Variants in GTF3C4 observed in about 807,000 individuals in gnomAD.
GTF3C4 encodes general transcription factor 3C polypeptide 4.
In GTF3C4, 28 loss-of-function variants were observed where a neutral mutation model predicts 67.5. The observed-to-expected ratio is 0.41, with a 90% CI of 0.31 to 0.57. GTF3C4 has a LOEUF of 0.57. Among genes scored for constraint, GTF3C4 ranks in the 20% least tolerant of loss-of-function variants. GTF3C4 has a pLI of 0.21. For synonymous variants in GTF3C4, 409 were observed against 393.0 expected, an observed-to-expected ratio of 1.04 and a Z score of -0.48; for missense variants, 831 against 1,033.2, an observed-to-expected ratio of 0.80 and a Z score of 2.68.
At chr9:132,687,202 A>G (rs779402153) in intron 3 of GTF3C4, 37 bp from the exon 4 acceptor site, 3 of 1,138,120 alleles carry the variant, frequency 2.6e-6, no homozygotes, top group Non-Finnish European at 4.0e-6. Flanking sequence ...AGTAGAGCAA[A>G]CCCTCTCCCT....
chr9:132,670,736 A>G lies in GTF3C4; in HGVS notation c.138A>G (p.Ala46=). The change falls in exon 1 of 5, where the codon GCA becomes GCG. Residue 46 remains alanine, a synonymous_variant. Coordinates refer to ENST00000372146, the MANE Select transcript of GTF3C4 (RefSeq NM_012204.4). ...AADAAPGPSA[A]FRLMVTRREP... is the part of the protein sequence containing the mutation. The stretch of plus-strand genomic sequence containing the variant: ...ACGCGGCCCCGGGGCCCAGCGCTGC[A>G]TTCCGCCTCATGGTGACTCGGCGGG... 1 of 1,545,428 alleles carries G rather than the reference A, an allele frequency of 6.5e-7. No homozygotes were observed. Among genetic ancestry groups the G allele is most frequent in the South Asian group, 1.2e-5 (1 of 85,020 alleles).
At chr9:132,673,319 C>G (rs1377085480) in intron 1 of GTF3C4, among the ~76,000 whole-genome samples, 2 of 152,180 alleles carry the variant, frequency 1.3e-5, no homozygotes, top group Admixed American at 1.3e-4. Flanking sequence ...TTTACCACAA[C>G]TGCTAACTAG....
rs1234179224 is a variant in GTF3C4 at position 132,678,852 on chromosome 9, G to A, written c.1233G>A (p.Leu411=). The change falls in exon 2 of 5, where the codon CTG becomes CTA. Residue 411 remains leucine, a synonymous_variant. Coordinates refer to ENST00000372146, the MANE Select transcript of GTF3C4 (RefSeq NM_012204.4). This position sits in a 1 kb window ranked among gnomAD's most constrained non-coding sequence, Gnocchi z 6.5. ...TTCTTCTGATCTCCAAAGCAGGGCT[G>A]AATGTTCACAATTCCCATGTCACAG... ...WCLLLISKAG[L]NVHNSHVTGL... The A allele has an allele frequency of 6.2e-7, 1 of 1,614,196 alleles. No homozygotes were observed. The highest frequency in any genetic ancestry group is 1.1e-5 in the South Asian group (1 of 91,080).
chr9:132,680,016 CTGGCCTTGTTAGATA>C (rs1233074586), intron 2 of GTF3C4, among the ~76,000 whole-genome samples: 1 of 152,190 alleles, frequency 6.6e-6, no homozygotes, highest in Non-Finnish European at 1.5e-5. Flanking sequence ...CTTCTTCACA[CTGGCCTTGTTAGATA>C]TGCAAAGTTT....
chr9:132,678,875 C>T lies in GTF3C4; in HGVS notation c.1256C>T (p.Thr419Ile). The T allele has an allele frequency of 1.2e-6, 2 of 1,614,198 alleles. No individual in the cohort carries two copies. Among genetic ancestry groups the T allele is most frequent in the South Asian group, 1.1e-5 (1 of 91,084 alleles). Residue 419 changes from threonine (T) to isoleucine (I), a missense_variant, in exon 2 of 5, where the codon ACA becomes ATA. Physicochemically the swap from Thr to Ile is moderately conservative, Grantham distance 89 (BLOSUM62 -1). Around this residue, in one of 4 missense-constraint regions of GTF3C4, gnomAD observed 390 missense variants for 540.3 expected, o/e 0.72. Transcript: ENST00000372146. The surrounding 1 kb of genome is among the most constrained non-coding windows in gnomAD (Gnocchi z 6.5). ...AGLNVHNSHV[T>I]GLHSLPIVSM... ...CTGAATGTTCACAATTCCCATGTCA[C>T]AGGCCTTCACTCACTGCCAATTGTC... is the stretch of plus-strand genomic sequence containing the variant.
rs1836136389 is a variant in GTF3C4, at chr9:132,692,658, C to T, written c.*3713C>T. ...TAATTCATTATGATGTATCTTTATG[C>T]TCTTTCACTGCTCTTCTGTGCGTTG... On this transcript the variant is annotated 3_prime_UTR_variant, in exon 5 of 5. Transcript: ENST00000372146. The T allele has an allele frequency of 6.6e-6, 1 of 152,176 alleles. No homozygotes were observed. The highest frequency in any genetic ancestry group is 6.5e-5 in the Admixed American group (1 of 15,276). 9.4% of individuals were successfully genotyped at this position (152,176 alleles called of 1,614,324 possible).
At position 132,690,867 on chromosome 9, in the gene GTF3C4, TCCC is replaced by T. The variant is rs551907369; in HGVS notation, c.*1926_*1928del. On this transcript the variant is annotated 3_prime_UTR_variant, in exon 5 of 5. Coordinates refer to ENST00000372146, the MANE Select transcript of GTF3C4 (RefSeq NM_012204.4). ...CATTATGGCATAGTTTCACTTCCCC[TCCC>T]CCCATTAGAATCAGTGGAGATTTGT... is the stretch of plus-strand genomic sequence containing the variant. The T allele has an allele frequency of 6.6e-6, 1 of 152,018 alleles. No homozygotes were observed. The highest frequency in any genetic ancestry group is 1.5e-5 in the Non-Finnish European group (1 of 68,012). The allele number at this position is 152,018 out of a possible 1,614,324, so 9.4% of individuals were successfully genotyped here. A position where few individuals can be genotyped will look rare whatever the true frequency, so the allele number is the denominator to read the frequency against.
At position 132,683,436 on chromosome 9, in the gene GTF3C4, G is replaced by C. The variant is rs1219831019; in HGVS notation, c.2185-127G>C. On this transcript the variant is annotated intron_variant, in intron 2 of 4. Coordinates refer to ENST00000372146, the MANE Select transcript of GTF3C4 (RefSeq NM_012204.4). ...GGATTTGTGGAAATGCAAATCTCCT[G>C]TCTTCTGTAAAATATTGCTCTTTTC... 3 of 778,176 alleles carry C rather than the reference G, an allele frequency of 3.9e-6. No homozygotes were observed. The African/African-American group carries it at 5.4e-5, about 14-fold the overall frequency. 48.2% of individuals were successfully genotyped at this position (778,176 alleles called of 1,614,324 possible).
chr9:132,687,801 G>A (rs1264187582), intron 4 of GTF3C4, among the ~76,000 whole-genome samples: 2 of 152,108 alleles, frequency 1.3e-5, no homozygotes, highest in African/African-American at 2.4e-5. Context: ...TAGTTCTAAT[G>A]TCATCCGTTT....
At chr9:132,674,855 C>A (rs1012710674) in intron 1 of GTF3C4, among the ~76,000 whole-genome samples, 10 of 152,170 alleles carry the variant, frequency 6.6e-5, no homozygotes, top group African/African-American at 2.4e-4. Context: ...CAGAGAGAGA[C>A]CGCATCTCTA....
chr9:132,677,900 A>T, intron 1 of GTF3C4, 77 bp from the exon 2 acceptor site: 1 of 1,143,692 alleles, frequency 8.7e-7, no homozygotes, highest in Non-Finnish European at 1.3e-6. Flanking sequence ...GAATAATGAC[A>T]TTCTGACTTA....
intron 2 of GTF3C4, among the ~76,000 whole-genome samples, chr9:132,680,023 T>G (rs1835917751): frequency 6.6e-6 from 1 of 152,176 alleles, no homozygotes; most frequent in South Asian, 2.1e-4. Flanking sequence ...ACACTGGCCT[T>G]GTTAGATATG....
intron 2 of GTF3C4, among the ~76,000 whole-genome samples, chr9:132,681,966 TAAAAA>T (rs56402111): frequency 1.2e-3 from 133 of 114,702 alleles, no homozygotes; most frequent in Middle Eastern, 4.8e-3. Context: ...CTACATAAAG[TAAAAA>T]AAAAAAAAAA....
intron 1 of GTF3C4, among the ~76,000 whole-genome samples, chr9:132,672,231 A>C (rs1393732653): frequency 6.6e-6 from 1 of 152,246 alleles, no homozygotes; most frequent in Non-Finnish European, 1.5e-5. Flanking sequence ...GCTGTAAAGG[A>C]ATTTAACTGT....
intron 2 of GTF3C4, 137 bp from the exon 3 acceptor site, chr9:132,683,426 C>CA (rs77428490): frequency 0.23 from 162,432 of 707,022 alleles, 20,516 homozygotes; most frequent in East Asian, 0.37. Flanking sequence ...TGTGGAAATG[C>CA]AAATCTCCTG....
chr9:132,680,147 C>A (rs1222914548), intron 2 of GTF3C4, among the ~76,000 whole-genome samples: 2 of 152,190 alleles, frequency 1.3e-5, no homozygotes, highest in African/African-American at 4.8e-5. Flanking sequence ...GCTCCCTGCC[C>A]TTCCTCTTTT....
At chr9:132,674,082 AT>A (rs764316378) in intron 1 of GTF3C4, among the ~76,000 whole-genome samples, 18 of 152,218 alleles carry the variant, frequency 1.2e-4, no homozygotes, top group Non-Finnish European at 2.1e-4. Context: ...TTTGGACTCT[AT>A]TACCTGTCCT....
At chr9:132,682,987 G>A (rs1285195825) in intron 2 of GTF3C4, among the ~76,000 whole-genome samples, 4 of 152,158 alleles carry the variant, frequency 2.6e-5, no homozygotes, top group Non-Finnish European at 5.9e-5. Flanking sequence ...CTCACTCCCA[G>A]CTTCTTGCTC....
Position 132,687,347 on chromosome 9 carries a change from TGG to T in GTF3C4, c.2404+22_2404+23del. 1.3e-5 allele frequency: 1 copy of T among 78,184 alleles called. No homozygotes were observed. Among genetic ancestry groups the T allele is most frequent in the African/African-American group, 3.8e-4 (1 of 2,614 alleles). The allele number at this position is 78,184 out of a possible 1,614,324, so 4.8% of individuals were successfully genotyped here. The stretch of plus-strand genomic sequence containing the variant: ...CAGAAGGTGAGTGCTTTCCCTTACT[TGG>T]GAGGGTGGGTGGGTGGAACATGCTG... On this transcript the variant is annotated intron_variant, in intron 4 of 4. Coordinates refer to ENST00000372146, the MANE Select transcript of GTF3C4 (RefSeq NM_012204.4).
Sources: allele counts gnomAD v4.1 joint callset (sites outside exome capture counted in the v4.1 genomes callset), GRCh38; gene constraint gnomAD v4.1.1; regional missense constraint gnomAD v4.1.1; non-coding constraint Gnocchi (gnomAD v3.1); transcripts MANE v1.5; gene names NCBI Gene and HGNC (gene_info 2026-07-23, HGNC 2026-07-21).